Variants in MGAT5 observed in about 807,000 individuals in gnomAD.
MGAT5 encodes alpha-1,6-mannosylglycoprotein 6-beta-N-acetylglucosaminyltransferase A.
In MGAT5, 30 loss-of-function variants were observed where a neutral mutation model predicts 94.3. The ratio of observed to expected loss-of-function variants is 0.32; its 90% CI spans 0.24 to 0.43. The LOEUF is 0.43. MGAT5 is among the 20% of genes least tolerant of loss of function. The pLI is 1.00. For missense variants in MGAT5, 691 were observed against 905.5 expected (o/e 0.76, Z 3.04); for synonymous variants, 310 against 322.9 (o/e 0.96, Z 0.43).
intron 1 of MGAT5, among the ~76,000 whole-genome samples, chr2:134,184,715 A>G (rs1277800578): frequency 2.6e-5 from 4 of 151,984 alleles, no homozygotes; most frequent in African/African-American, 9.7e-5. Context: ...ATTATAAAAT[A>G]TAATTACTGA....
intron 4 of MGAT5, among the ~76,000 whole-genome samples, chr2:134,322,772 G>T (rs183822794): frequency 2.4e-4 from 37 of 152,182 alleles, no homozygotes; most frequent in African/African-American, 8.2e-4. Flanking sequence ...TGAAACCTGC[G>T]TTTTTATTTC....
chr2:134,214,886 A>G (rs1680392002), intron 1 of MGAT5, among the ~76,000 whole-genome samples: 1 of 152,174 alleles, frequency 6.6e-6, no homozygotes, highest in Admixed American at 6.5e-5. Flanking sequence ...TGAGTTTCAA[A>G]TGGACACCCA....
intron 14 of MGAT5, among the ~76,000 whole-genome samples, chr2:134,435,518 T>A (rs1210695758): frequency 6.6e-6 from 1 of 152,212 alleles, no homozygotes; most frequent in South Asian, 2.1e-4. Context: ...TATTGACTTA[T>A]CCATTGTTTT....
At chr2:134,188,775 A>G (rs1689170614) in intron 1 of MGAT5, among the ~76,000 whole-genome samples, 1 of 152,168 alleles carries the variant, frequency 6.6e-6, no homozygotes, top group Admixed American at 6.5e-5. Context: ...GGTTCCCAAA[A>G]GGCTGTTCCC....
intron 10 of MGAT5, among the ~76,000 whole-genome samples, chr2:134,375,666 G>A (rs1681122375): frequency 6.6e-6 from 1 of 152,190 alleles, no homozygotes; most frequent in Admixed American, 6.5e-5. Context: ...TACCGACTTG[G>A]TCAAGGGAAA....
At chr2:134,198,773 A>C (rs10169913) in intron 1 of MGAT5, among the ~76,000 whole-genome samples, 6,166 of 152,268 alleles carry the variant, frequency 0.04, 419 homozygotes, top group African/African-American at 0.14. Flanking sequence ...TTTGGGAACC[A>C]CTGCTTTGCA....
At chr2:134,332,280 G>A (rs1688020614) in intron 4 of MGAT5, among the ~76,000 whole-genome samples, 1 of 151,850 alleles carries the variant, frequency 6.6e-6, no homozygotes, top group African/African-American at 2.4e-5. Context: ...CAGAAATAAT[G>A]CCACATATCT....
intron 1 of MGAT5, among the ~76,000 whole-genome samples, chr2:134,149,670 A>G (rs1257941518): frequency 6.6e-6 from 1 of 152,282 alleles, no homozygotes; most frequent in Non-Finnish European, 1.5e-5. Context: ...AAGCAATTAC[A>G]TTGAAAATGA....
intron 10 of MGAT5, among the ~76,000 whole-genome samples, chr2:134,365,950 A>G (rs1680401713): frequency 6.6e-6 from 1 of 152,096 alleles, no homozygotes; most frequent in African/African-American, 2.4e-5. Context: ...ATGTTATAGT[A>G]CATGGTGGGG....
At chr2:134,143,283 T>C (rs1312581989) in intron 1 of MGAT5, among the ~76,000 whole-genome samples, 7 of 152,212 alleles carry the variant, frequency 4.6e-5, no homozygotes, top group Non-Finnish European at 7.3e-5. Flanking sequence ...CACAACATGA[T>C]GAACATACTC....
intron 1 of MGAT5, among the ~76,000 whole-genome samples, chr2:134,198,921 G>T (rs936166242): frequency 6.6e-6 from 1 of 152,168 alleles, no homozygotes; most frequent in Non-Finnish European, 1.5e-5. Flanking sequence ...AGAGGCCAAA[G>T]TTTATTTTTT....
chr2:134,318,772 T>G (rs1687155087), intron 4 of MGAT5, 33 bp downstream of exon 4: 2 of 1,466,734 alleles, frequency 1.4e-6, no homozygotes, highest in African/African-American at 1.4e-5. Context: ...TGGGGGTAGA[T>G]GTGACTGGTT....
At chr2:134,364,540 C>G (rs1019645735) in intron 10 of MGAT5, among the ~76,000 whole-genome samples, 1 of 151,926 alleles carries the variant, frequency 6.6e-6, no homozygotes, top group Non-Finnish European at 1.5e-5. Context: ...CCATGTTGCT[C>G]AAGTGATCTG....
At chr2:134,124,191 C>G (rs2104874474) in intron 1 of MGAT5, among the ~76,000 whole-genome samples, 1 of 152,314 alleles carries the variant, frequency 6.6e-6, no homozygotes, top group South Asian at 2.1e-4. Context: ...TTAATACAAA[C>G]TAATAGCTCT....
chr2:134,262,845 T>C (rs946895882), intron 1 of MGAT5, among the ~76,000 whole-genome samples: 2 of 152,230 alleles, frequency 1.3e-5, no homozygotes, highest in African/African-American at 4.8e-5. Context: ...TAGCTATTCT[T>C]AGCATTTACA....
chr2:134,274,689 G>A (rs767047182), intron 2 of MGAT5, among the ~76,000 whole-genome samples: 1 of 152,216 alleles, frequency 6.6e-6, no homozygotes, highest in Non-Finnish European at 1.5e-5. Flanking sequence ...CATAATGATA[G>A]CATCCAAGTG....
intron 2 of MGAT5, among the ~76,000 whole-genome samples, chr2:134,298,157 G>A (rs575409804): frequency 3.4e-4 from 51 of 152,166 alleles, no homozygotes; most frequent in Non-Finnish European, 5.4e-4. Context: ...GTGCAATAGC[G>A]TACTCTTGGC....
rs574807347 is a variant in MGAT5 at position 134,236,189 on chromosome 2, C to T, written c.-142-18073C>T. On this transcript the variant is annotated intron_variant, in intron 1 of 16. Coordinates refer to the MGAT5 transcript ENST00000409645. ...GCGCAGTGTTCAGAGTTGTTCTTCA[C>T]GGGTCCCATGACTGCAGAGAAAGCT... Among the ~76,000 whole-genome samples, 134 of 152,166 alleles carry T rather than the reference C, an allele frequency of 8.8e-4. 1 individual carries two copies. Among genetic ancestry groups the T allele is most frequent in the Non-Finnish European group, 1.5e-3 (99 of 68,026 alleles).
At position 134,180,936 on chromosome 2, in the gene MGAT5, A is replaced by G. The variant is rs534042447; in HGVS notation, c.-143+60645A>G. 8.5e-5 allele frequency among the ~76,000 whole-genome samples: 13 copies of G among 152,324 alleles called. 1 individual carries two copies. The South Asian group carries it at 2.7e-3, about 32-fold the overall frequency. On this transcript the variant is annotated intron_variant, in intron 1 of 16. Coordinates refer to the MGAT5 transcript ENST00000409645. Reference sequence around the variant, plus strand: ...AAACAAAGGGAAGATAATTTGAAAGAGCTGCAGATACTTTCTCAGCGATAC... The same window carrying G: ...AAACAAAGGGAAGATAATTTGAAAGGGCTGCAGATACTTTCTCAGCGATAC...
Sources: gnomAD v4.1 joint callset for allele counts (sites outside exome capture counted in the v4.1 genomes callset) on GRCh38, gnomAD v4.1.1 for gene constraint, MANE v1.5 for transcripts, NCBI Gene and HGNC (gene_info 2026-07-23, HGNC 2026-07-21) for gene names.